MAP2K7: variants seen among roughly 807,000 people sequenced by gnomAD.
The protein encoded by MAP2K7 is mitogen-activated protein kinase kinase 7, also known as dual specificity mitogen-activated protein kinase kinase 7.
Under a neutral mutation model 47.7 loss-of-function variants are expected in MAP2K7, and 12 were observed. That is an observed-to-expected ratio of 0.25 (90% CI 0.16 to 0.41). The LOEUF is 0.41. Ranked by LOEUF, MAP2K7 falls within the 10% of genes least tolerant of loss-of-function variation. MAP2K7 has a pLI of 1.00. For synonymous variants in MAP2K7, 299 were observed against 243.0 expected, an observed-to-expected ratio of 1.23 and a Z score of -2.14; for missense variants, 415 against 600.3, an observed-to-expected ratio of 0.69 and a Z score of 3.23.
In MAP2K7 at chr19:7,911,261, T is replaced by C; in HGVS notation, c.867T>C (p.Ile289=). The C allele has an allele frequency of 6.2e-7, 1 of 1,612,636 alleles. No homozygotes were observed. Among genetic ancestry groups the C allele is most frequent in the South Asian group, 1.1e-5 (1 of 91,046 alleles). The change falls in exon 8 of 11, where the codon ATT becomes ATC. Residue 289 remains isoleucine (I), a synonymous_variant. Coordinates refer to ENST00000397979, the MANE Select transcript of MAP2K7 (RefSeq NM_145185.4). ...TCCCCCCCCTGCAGCCCGAGCGCATTGACCCCCCAGACCCCACCAAGCCGG... is the reference window on the plus strand; with the variant it reads ...TCCCCCCCCTGCAGCCCGAGCGCATCGACCCCCCAGACCCCACCAAGCCGG... The part of the protein sequence containing the change: ...GCAAYMAPER[I]DPPDPTKPDY...
rs201368825 is a variant in MAP2K7, at chr19:7,912,367, C to T, written c.1196C>T (p.Ala399Val). Residue 399 changes from alanine (A) to valine (V), a missense_variant, in exon 11 of 11, where the codon GCG becomes GTG. Ala to Val is a moderately conservative substitution (Grantham distance 64). Transcript: ENST00000397979. ...DVASWFKDVM[A>V]KTESPRTSGV... The stretch of plus-strand genomic sequence containing the variant: ...GCGTCCTGGTTCAAGGATGTCATGG[C>T]GAAGACTGAGTCACCGCGGACTAGC... 7.9e-5 allele frequency: 128 copies of T among 1,613,132 alleles called. No homozygotes were observed. The highest frequency in any genetic ancestry group is 1.6e-4 in the South Asian group (15 of 91,090).
Position 7,910,361 on chromosome 19 carries a change from C to T in MAP2K7, c.435C>T (p.Val145=). ...TGCGCTTCCGGAAGACCGGCCACGT[C>T]ATTGCCGTTAAGGTGAGCCTTGGCG... is the stretch of plus-strand genomic sequence containing the variant. ...WKMRFRKTGH[V]IAVKQMRRSG... is the part of the protein sequence containing the mutation. The change falls in exon 4 of 11, where the codon GTC becomes GTT. Residue 145 remains valine (V), a synonymous_variant. Coordinates refer to ENST00000397979, the MANE Select transcript of MAP2K7 (RefSeq NM_145185.4). The T allele has an allele frequency of 6.2e-7, 1 of 1,612,718 alleles. No homozygotes were observed.
Position 7,910,504 on chromosome 19 carries a change from C to T in MAP2K7, c.499C>T (p.Leu167=), listed in dbSNP as rs766336838. Residue 167 remains leucine (L), a synonymous_variant, in exon 5 of 11, where the codon CTG becomes TTG. Transcript: ENST00000397979. ...KEENKRILMD[L]DVVLKSHDCP... Reference sequence around the variant, plus strand: ...GGAGAACAAGCGCATCCTCATGGACCTGGATGTGGTGCTGAAGAGCCACGA... The same window carrying T: ...GGAGAACAAGCGCATCCTCATGGACTTGGATGTGGTGCTGAAGAGCCACGA... 3.1e-6 allele frequency: 5 copies of T among 1,613,254 alleles called. No homozygotes were observed. Among genetic ancestry groups the T allele is most frequent in the African/African-American group, 1.3e-5 (1 of 74,940 alleles).
At chr19:7,905,702 C>T (rs1162840529) in intron 1 of MAP2K7, 2 of 989,976 alleles carry the variant, frequency 2.0e-6, no homozygotes, top group Non-Finnish European at 1.6e-6. Flanking sequence ...TTCGGTGCCT[C>T]CCCCTCCTCC....
intron 1 of MAP2K7, 51 bp from the exon 2 acceptor site, chr19:7,909,704 C>T (rs1982688197): frequency 1.6e-6 from 2 of 1,253,930 alleles, no homozygotes; most frequent in Non-Finnish European, 1.1e-6. Flanking sequence ...GTGGAGCTGA[C>T]ACCAGCTGGG....
intron 10 of MAP2K7, 44 bp from the exon 11 acceptor site, chr19:7,912,253 G>A (rs1289594575): frequency 6.2e-7 from 1 of 1,613,596 alleles, no homozygotes; most frequent in Non-Finnish European, 8.5e-7. Context: ...GAGGCCAGGA[G>A]GGAAGACCGT....
chr19:7,908,932 C>T (rs1419601724), intron 1 of MAP2K7, among the ~76,000 whole-genome samples: 1 of 152,106 alleles, frequency 6.6e-6, no homozygotes, highest in East Asian at 1.9e-4. Context: ...CCTGCCCACC[C>T]CAGGGTGCCT....
chr19:7,905,906 C>T, intron 1 of MAP2K7: 1 of 1,556,050 alleles, frequency 6.4e-7, no homozygotes, highest in Non-Finnish European at 8.9e-7. Context: ...ATTGACCTAA[C>T]CGCTGCCCCG....
rs2053244853 is a variant in MAP2K7 at position 7,912,164 on chromosome 19, C to T, written c.1095C>T (p.His365=). 2 of 1,614,034 alleles carry T rather than the reference C, an allele frequency of 1.2e-6. No individual in the cohort carries two copies. Among genetic ancestry groups the T allele is most frequent in the Admixed American group, 3.3e-5 (2 of 60,016 alleles). Residue 365 remains histidine, a synonymous_variant, in exon 10 of 11, where the codon CAC becomes CAT. Transcript: ENST00000397979. The part of the protein sequence containing the change: ...SFVKDCLTKD[H]RKRPKYNKLL... ...CTTGCTCTAGCCTTACTAAAGATCACAGGAAGAGACCAAAGTATAATAAGC... is the reference window on the plus strand; with the variant it reads ...CTTGCTCTAGCCTTACTAAAGATCATAGGAAGAGACCAAAGTATAATAAGC...
At chr19:7,906,453 A>C (rs1424786152) in intron 1 of MAP2K7, 1 of 153,388 alleles carries the variant, frequency 6.5e-6, no homozygotes, top group Non-Finnish European at 1.5e-5. Context: ...GACGGTGGGA[A>C]TTGAACAAAG....
chr19:7,909,355 C>T (rs1386036597), intron 1 of MAP2K7, among the ~76,000 whole-genome samples: 1 of 152,220 alleles, frequency 6.6e-6, no homozygotes, highest in East Asian at 1.9e-4. Flanking sequence ...GCACTCCGCC[C>T]TGGCCTATCC....
intron 1 of MAP2K7, 23 bp downstream of exon 1, chr19:7,904,091 G>A (rs1599618358): frequency 6.4e-6 from 8 of 1,253,132 alleles, no homozygotes; most frequent in African/African-American, 6.3e-5. Flanking sequence ...GCGTGGGGGA[G>A]GGGGCGGGCG....
chr19:7,910,862 C>T (rs574489981), intron 6 of MAP2K7, 59 bp downstream of exon 6: 74 of 1,566,656 alleles, frequency 4.7e-5, no homozygotes, highest in South Asian at 2.1e-4. Flanking sequence ...AGTGACCAGG[C>T]GGGGCGTGCA....
Position 7,911,162 on chromosome 19 carries a change from G to A in MAP2K7, c.855+3G>A. On this transcript the variant is annotated splice_donor_region_variant and intron_variant, in intron 7 of 10. Coordinates refer to ENST00000397979, the MANE Select transcript of MAP2K7 (RefSeq NM_145185.4). ...CCGGCTGTGCCGCCTACATGGCAGT[G>A]AGTGGGGGCCCCCCAGCGGGGGAGG... The A allele has an allele frequency of 6.2e-7, 1 of 1,609,708 alleles. No homozygotes were observed. The highest frequency in any genetic ancestry group is 8.5e-7 in the Non-Finnish European group (1 of 1,178,124).
chr19:7,910,391 C>T lies in MAP2K7; in HGVS notation c.447+18C>T, dbSNP rs969606750. On this transcript the variant is annotated intron_variant, in intron 4 of 10. Coordinates refer to ENST00000397979, the MANE Select transcript of MAP2K7 (RefSeq NM_145185.4). ...CCGTTAAGGTGAGCCTTGGCGGCTACCCCGGCTGCGCCCCACACCCCAGGC... is the reference window on the plus strand; with the variant it reads ...CCGTTAAGGTGAGCCTTGGCGGCTATCCCGGCTGCGCCCCACACCCCAGGC... 1 of 1,607,402 alleles carries T rather than the reference C, an allele frequency of 6.2e-7. No individual in the cohort carries two copies. Among genetic ancestry groups the T allele is most frequent in the Non-Finnish European group, 8.5e-7 (1 of 1,177,544 alleles).
intron 4 of MAP2K7, 36 bp downstream of exon 4, chr19:7,910,409 C>T: frequency 1.2e-6 from 2 of 1,603,958 alleles, no homozygotes; most frequent in Non-Finnish European, 1.7e-6. Flanking sequence ...GCGCCCCACA[C>T]CCCAGGCCGG....
rs202061567 is a variant in MAP2K7 at position 7,911,075 on chromosome 19, C to T, written c.771C>T (p.Ile257=). The T allele has an allele frequency of 1.8e-4, 290 of 1,612,708 alleles. 2 individuals carry two copies. The African/African-American group carries it at 3.2e-3, about 18-fold the overall frequency. The stretch of plus-strand genomic sequence containing the variant: ...TCCTGCTGGACGAGCGGGGCCAGAT[C>T]AAGCTCTGCGACTTCGGCATCAGCG... ...SNILLDERGQ[I]KLCDFGISGR... is the part of the protein sequence containing the mutation. Residue 257 remains isoleucine, a synonymous_variant, in exon 7 of 11, where the codon ATC becomes ATT. Coordinates refer to ENST00000397979, the MANE Select transcript of MAP2K7 (RefSeq NM_145185.4).
Position 7,911,539 on chromosome 19 carries a change from T to C in MAP2K7, c.1040T>C (p.Met347Thr). Residue 347 changes from methionine (M) to threonine (T), a missense_variant, in exon 9 of 11, where the codon ATG becomes ACG. Met to Thr is a moderately conservative substitution (Grantham distance 81). Transcript: ENST00000397979. The part of the protein sequence containing the change: ...QEEPPLLPGH[M>T]GFSGDFQSFV... Reference sequence around the variant, plus strand: ...GAGCCCCCGCTTCTGCCCGGACACATGGGCTTCTCGGGGGACTTCCAGTCC... The same window carrying C: ...GAGCCCCCGCTTCTGCCCGGACACACGGGCTTCTCGGGGGACTTCCAGTCC... The C allele has an allele frequency of 6.2e-7, 1 of 1,608,210 alleles. No individual in the cohort carries two copies. Among genetic ancestry groups the C allele is most frequent in the Non-Finnish European group, 8.5e-7 (1 of 1,176,994 alleles).
At position 7,910,749 on chromosome 19, in the gene MAP2K7, G is replaced by T. The variant is rs1568278464; in HGVS notation, c.621G>T (p.Lys207Asn). The T allele has an allele frequency of 6.2e-7, 1 of 1,612,168 alleles. No individual in the cohort carries two copies. Among genetic ancestry groups the T allele is most frequent in the Non-Finnish European group, 8.5e-7 (1 of 1,179,606 alleles). ...TGGGCACCTGCGCTGAGAAGCTCAAGAAGCGGATGCAGGGCCCCATCCCCG... is the reference window on the plus strand; with the variant it reads ...TGGGCACCTGCGCTGAGAAGCTCAATAAGCGGATGCAGGGCCCCATCCCCG... ...ELMGTCAEKL[K>N]KRMQGPIPER... Residue 207 changes from lysine (K) to asparagine (N), a missense_variant, in exon 6 of 11, where the codon AAG (lysine) becomes AAT (asparagine). Coordinates refer to ENST00000397979, the MANE Select transcript of MAP2K7 (RefSeq NM_145185.4).
Sources: gnomAD v4.1 joint callset for allele counts (sites outside exome capture counted in the v4.1 genomes callset) on GRCh38, gnomAD v4.1.1 for gene constraint, MANE v1.5 for transcripts, NCBI Gene and HGNC (gene_info 2026-07-23, HGNC 2026-07-21) for gene names.